The following CADM2 variants were observed in gnomAD, a reference collection of about 807,000 sequenced individuals.
CADM2 encodes immunoglobulin superfamily member 4D.
A neutral mutation model predicts 49.8 loss-of-function variants in CADM2; 12 were observed. The observed-to-expected ratio is 0.24, with a 90% CI of 0.15 to 0.39. The LOEUF (loss-of-function observed/expected upper bound fraction) is 0.39. Among genes scored for constraint, CADM2 ranks in the 10% least tolerant of loss-of-function variants. The pLI, the probability that CADM2 is intolerant of heterozygous loss-of-function variation, is 1.00. For missense variants in CADM2, 378 were observed against 492.3 expected, an observed-to-expected ratio of 0.77 and a Z score of 2.20; for synonymous variants, 214 against 175.4, an observed-to-expected ratio of 1.22 and a Z score of -1.74.
At chr3:85,787,329 C>T (rs558037631) in intron 2 of CADM2, among the ~76,000 whole-genome samples, 2 of 152,114 alleles carry the variant, frequency 1.3e-5, no homozygotes, top group African/African-American at 4.8e-5. Context: ...AAATTGTTAC[C>T]TCTGTAAATC....
chr3:86,034,823 G>A (rs7651377), intron 8 of CADM2, among the ~76,000 whole-genome samples: 4,910 of 151,992 alleles, frequency 0.032, 149 homozygotes, highest in African/African-American at 0.077. Context: ...AATGAATAGT[G>A]ACACCTTTCA....
chr3:85,104,968 G>T (rs1378496528), intron 1 of CADM2, among the ~76,000 whole-genome samples: 2 of 152,108 alleles, frequency 1.3e-5, no homozygotes, highest in Admixed American at 6.6e-5. Context: ...AGGAGATTTT[G>T]GGGTGAGACG....
chr3:86,021,156 C>A (rs772351439), intron 8 of CADM2, among the ~76,000 whole-genome samples: 2 of 152,078 alleles, frequency 1.3e-5, no homozygotes, highest in South Asian at 4.1e-4. Context: ...TCCACCACCA[C>A]GCCCAGCTAA....
intron 1 of CADM2, among the ~76,000 whole-genome samples, chr3:85,049,335 A>ATTTAT (rs1475054936): frequency 6.8e-6 from 1 of 146,218 alleles, no homozygotes; most frequent in African/African-American, 2.5e-5. Context: ...TAGTTTATTT[A>ATTTAT]TTTATTTATT....
At chr3:85,963,086 A>C (rs1196656738) in intron 8 of CADM2, among the ~76,000 whole-genome samples, 1 of 151,940 alleles carries the variant, frequency 6.6e-6, no homozygotes, top group East Asian at 1.9e-4. Context: ...CAAAGTTGGA[A>C]AAAATTAATA....
At chr3:85,568,391 TCCTC>T (rs1215580816) in intron 1 of CADM2, among the ~76,000 whole-genome samples, 4 of 123,536 alleles carry the variant, frequency 3.2e-5, no homozygotes, top group Non-Finnish European at 5.4e-5. Flanking sequence ...AATCTTTCCT[TCCTC>T]CCTCTTTCTT....
chr3:85,014,617 A>G (rs571822774), intron 1 of CADM2, among the ~76,000 whole-genome samples: 92 of 152,290 alleles, frequency 6.0e-4, no homozygotes, highest in African/African-American at 2.1e-3. Context: ...TTTGAGGATT[A>G]GGGATGCAGG....
intron 1 of CADM2, among the ~76,000 whole-genome samples, chr3:85,037,778 C>A (rs968044714): frequency 6.6e-6 from 1 of 152,190 alleles, no homozygotes; most frequent in Non-Finnish European, 1.5e-5. Context: ...CATGCAGTCT[C>A]TGCATATAAG....
At chr3:85,399,723 A>T (rs1330527525) in intron 1 of CADM2, among the ~76,000 whole-genome samples, 2 of 152,086 alleles carry the variant, frequency 1.3e-5, no homozygotes, top group African/African-American at 4.8e-5. Flanking sequence ...TAGATATTTT[A>T]TTCTCTTTGA....
chr3:85,792,554 C>A (rs1443822626), intron 2 of CADM2, among the ~76,000 whole-genome samples: 7 of 152,214 alleles, frequency 4.6e-5, no homozygotes, highest in African/African-American at 1.2e-4. Flanking sequence ...CTCAAACATG[C>A]AAAGCCTCAA....
At chr3:85,568,483 CTT>C (rs1319974863) in intron 1 of CADM2, among the ~76,000 whole-genome samples, 3 of 57,070 alleles carry the variant, frequency 5.3e-5, no homozygotes, top group African/African-American at 1.2e-4. Context: ...CTCTTTCTTT[CTT>C]TCTTTCTTTC....
At chr3:85,639,372 A>C (rs140683144) in intron 1 of CADM2, among the ~76,000 whole-genome samples, 4 of 152,198 alleles carry the variant, frequency 2.6e-5, no homozygotes, top group Non-Finnish European at 5.9e-5. Context: ...TCCCGTGTTT[A>C]CTGTAACATC....
intron 1 of CADM2, among the ~76,000 whole-genome samples, chr3:85,549,066 T>G (rs964781063): frequency 6.6e-6 from 1 of 152,222 alleles, no homozygotes; most frequent in African/African-American, 2.4e-5. Context: ...TGAAGCCAAG[T>G]AAGCATAATC....
chr3:85,376,823 A>T (rs896604335), intron 1 of CADM2, among the ~76,000 whole-genome samples: 1 of 152,126 alleles, frequency 6.6e-6, no homozygotes, highest in Non-Finnish European at 1.5e-5. Context: ...AAAGGCTTTT[A>T]AGGGAATATT....
intron 3 of CADM2, among the ~76,000 whole-genome samples, chr3:85,826,150 C>A (rs923634789): frequency 6.6e-6 from 1 of 152,094 alleles, no homozygotes; most frequent in East Asian, 1.9e-4. Flanking sequence ...TTTAAAACAA[C>A]TTTATCATTC....
At chr3:85,746,889 T>G (rs543152646) in intron 2 of CADM2, among the ~76,000 whole-genome samples, 2 of 152,206 alleles carry the variant, frequency 1.3e-5, no homozygotes, top group Admixed American at 6.5e-5. Flanking sequence ...AAGTCCAAGT[T>G]TTTTCTCTGA....
chr3:85,311,485 C>T (rs2044342716), intron 1 of CADM2, among the ~76,000 whole-genome samples: 1 of 151,854 alleles, frequency 6.6e-6, no homozygotes, highest in African/African-American at 2.4e-5. Context: ...ATGCCATTCT[C>T]TTGCCCCAGC....
At chr3:85,446,530 G>A (rs72907282) in intron 1 of CADM2, among the ~76,000 whole-genome samples, 6,032 of 151,290 alleles carry the variant, frequency 0.04, 403 homozygotes, top group African/African-American at 0.14. Flanking sequence ...AAAATAATTA[G>A]CATTTGAAGA....
At chr3:85,678,415 A>G (rs1317498838) in intron 1 of CADM2, among the ~76,000 whole-genome samples, 4 of 152,288 alleles carry the variant, frequency 2.6e-5, no homozygotes, top group African/African-American at 9.6e-5. Flanking sequence ...GTGGCTTTCA[A>G]CTAGCACTGT....
Sources: allele counts gnomAD v4.1 joint callset (sites outside exome capture counted in the v4.1 genomes callset), GRCh38; gene constraint gnomAD v4.1.1; transcripts MANE v1.5; gene names NCBI Gene and HGNC (gene_info 2026-07-23, HGNC 2026-07-21).